PDE4D: variants seen among roughly 807,000 people sequenced by gnomAD.
The protein encoded by PDE4D is 3',5'-cyclic-AMP phosphodiesterase 4D.
In PDE4D, 24 loss-of-function variants were observed where a neutral mutation model predicts 87.4. The ratio of observed to expected loss-of-function variants is 0.27; its 90% confidence interval spans 0.20 to 0.39. The LOEUF (loss-of-function observed/expected upper bound fraction) is 0.39, where lower values mean the gene tolerates loss of function less well. PDE4D is among the 10% of genes least tolerant of loss of function. The probability of loss-of-function intolerance (pLI) is 1.00; values close to 1 mark genes in which losing one functional copy is unlikely to be tolerated. For missense variants in PDE4D, 714 were observed against 1,041.0 expected (o/e 0.69, Z 4.32); for synonymous variants, 384 against 383.2 (o/e 1.00, Z -0.02).
intron 1 of PDE4D, among the ~76,000 whole-genome samples, chr5:59,225,802 C>T (rs956106815): frequency 6.8e-6 from 1 of 148,082 alleles, no homozygotes; most frequent in African/African-American, 2.5e-5. Context: ...ATAGCAAAAC[C>T]CCCCCAAAAC....
intron 3 of PDE4D, among the ~76,000 whole-genome samples, chr5:59,947,556 A>G (rs7715428): frequency 0.4 from 61,144 of 152,094 alleles, 13,141 homozygotes; most frequent in East Asian, 0.73. Flanking sequence ...CTGAGCATCA[A>G]GAGAAAACTG....
At chr5:60,404,768 G>A (rs1290962939) in intron 1 of PDE4D, among the ~76,000 whole-genome samples, 3 of 152,186 alleles carry the variant, frequency 2.0e-5, no homozygotes, top group South Asian at 2.1e-4. Context: ...CTAGACAAAC[G>A]CTTAACTTCC....
chr5:60,070,461 G>C (rs1026194065), intron 2 of PDE4D, among the ~76,000 whole-genome samples: 3 of 151,756 alleles, frequency 2.0e-5, no homozygotes, highest in African/African-American at 7.3e-5. Context: ...ATGATCACAT[G>C]TTTTTATGCT....
chr5:59,206,359 G>T (rs887726398), intron 2 of PDE4D, among the ~76,000 whole-genome samples: 2 of 152,034 alleles, frequency 1.3e-5, no homozygotes, highest in Admixed American at 1.3e-4. Context: ...TATTGCAAGG[G>T]CTTAGACAGT....
At chr5:59,162,286 G>A (rs1318942862) in intron 5 of PDE4D, among the ~76,000 whole-genome samples, 1 of 152,096 alleles carries the variant, frequency 6.6e-6, no homozygotes, top group African/African-American at 2.4e-5. Context: ...TCTCCAAATT[G>A]TAATATTTTC....
At chr5:59,139,447 C>T (rs541039838) in intron 5 of PDE4D, among the ~76,000 whole-genome samples, 48 of 152,200 alleles carry the variant, frequency 3.2e-4, no homozygotes, top group African/African-American at 9.9e-4. Context: ...ACCCTGAAGG[C>T]ATTGCAGACT....
intron 6 of PDE4D, among the ~76,000 whole-genome samples, chr5:59,007,157 C>T (rs559160938): frequency 7.2e-5 from 11 of 152,110 alleles, no homozygotes; most frequent in Non-Finnish European, 1.6e-4. Context: ...GCTCTTGGAC[C>T]TCTCCAACAT....
intron 1 of PDE4D, among the ~76,000 whole-genome samples, chr5:60,473,638 G>A (rs937870040): frequency 6.6e-6 from 1 of 151,906 alleles, no homozygotes; most frequent in Admixed American, 6.6e-5. Flanking sequence ...GGCACACACA[G>A]AGCTGATGAT....
In PDE4D at chr5:59,490,856, C is replaced by G. The variant is rs571371428; in HGVS notation, c.456-274888G>C. Among the ~76,000 whole-genome samples, 14 of 152,288 alleles carry G rather than the reference C, an allele frequency of 9.2e-5. No homozygotes were observed. The South Asian group carries it at 2.7e-3, about 29-fold the overall frequency. Reference sequence around the variant, plus strand: ...TCATTTCTCCCACTATAGAGAAACTCTAGGCAATGTATCTCTATCCAGATT... The same window carrying G: ...TCATTTCTCCCACTATAGAGAAACTGTAGGCAATGTATCTCTATCCAGATT... On this transcript the variant is annotated intron_variant, in intron 1 of 14. Coordinates refer to ENST00000340635, the MANE Select transcript of PDE4D (RefSeq NM_001104631.2).
intron 1 of PDE4D, among the ~76,000 whole-genome samples, chr5:59,719,344 A>G (rs1169988858): frequency 1.3e-5 from 2 of 152,290 alleles, no homozygotes; most frequent in Admixed American, 6.5e-5. Flanking sequence ...ACCTCATTAT[A>G]TAGTATTTCC....
intron 5 of PDE4D, among the ~76,000 whole-genome samples, chr5:59,065,280 G>A (rs1263900065): frequency 6.6e-6 from 1 of 152,054 alleles, no homozygotes; most frequent in Non-Finnish European, 1.5e-5. Flanking sequence ...ATCCAAAATA[G>A]TCAAACTGAT....
chr5:60,402,557 C>G (rs1414468965), intron 1 of PDE4D, among the ~76,000 whole-genome samples: 1 of 152,246 alleles, frequency 6.6e-6, no homozygotes, highest in African/African-American at 2.4e-5. Context: ...AGGCCAGTAG[C>G]TTCTGGCAGT....
At chr5:60,348,540 C>G (rs1415411375) in intron 1 of PDE4D, among the ~76,000 whole-genome samples, 2 of 152,042 alleles carry the variant, frequency 1.3e-5, no homozygotes, top group African/African-American at 4.8e-5. Flanking sequence ...TTTGAAACAG[C>G]TAAGTGAACT....
intron 2 of PDE4D, among the ~76,000 whole-genome samples, chr5:60,058,147 A>T (rs1770988419): frequency 6.6e-6 from 1 of 151,990 alleles, no homozygotes; most frequent in African/African-American, 2.4e-5. Flanking sequence ...AAGCCTCCTG[A>T]ATATATAACT....
At chr5:60,481,178 A>G (rs903707625) in intron 1 of PDE4D, among the ~76,000 whole-genome samples, 1 of 152,150 alleles carries the variant, frequency 6.6e-6, no homozygotes, top group African/African-American at 2.4e-5. Context: ...TGAGTTTATT[A>G]TTGGCTTAAC....
At chr5:59,137,109 C>G (rs758269787) in intron 5 of PDE4D, among the ~76,000 whole-genome samples, 1 of 152,174 alleles carries the variant, frequency 6.6e-6, no homozygotes, top group African/African-American at 2.4e-5. Flanking sequence ...TTTCTGCCCC[C>G]ATCCTGGCTT....
chr5:60,520,991 C>CT (rs773479747), intron 1 of PDE4D: 1 of 152,684 alleles, frequency 6.5e-6, no homozygotes, highest in Non-Finnish European at 1.5e-5. Flanking sequence ...CTAAACAGCA[C>CT]TAATTCTGTT....
chr5:59,265,209 A>C (rs1026842656), intron 1 of PDE4D, among the ~76,000 whole-genome samples: 17 of 151,952 alleles, frequency 1.1e-4, no homozygotes, highest in Non-Finnish European at 4.4e-5. Flanking sequence ...CAGGTAGCTG[A>C]CCATTCCTTT....
intron 1 of PDE4D, among the ~76,000 whole-genome samples, chr5:59,337,711 A>T (rs1044004489): frequency 2.0e-5 from 3 of 152,178 alleles, no homozygotes; most frequent in Admixed American, 2.0e-4. Flanking sequence ...GCAGAGTTTG[A>T]TGCCTCTCCT....
Sources: allele counts gnomAD v4.1 joint callset (sites outside exome capture counted in the v4.1 genomes callset), GRCh38; gene constraint gnomAD v4.1.1; transcripts MANE v1.5; gene names NCBI Gene and HGNC (gene_info 2026-07-23, HGNC 2026-07-21).